The following CDIN1 variants were observed in gnomAD, a reference collection of about 807,000 sequenced individuals.
The protein encoded by CDIN1 is CDAN1-interacting nuclease 1.
In CDIN1, 33 loss-of-function variants were observed where a neutral mutation model predicts 45.3. The observed-to-expected ratio is 0.73, with a 90% confidence interval of 0.55 to 0.97. The LOEUF is 0.97. CDIN1 is among the 50% of genes least tolerant of loss of function. The probability of loss-of-function intolerance (pLI) is 0.00; values close to 1 mark genes in which losing one functional copy is unlikely to be tolerated. For missense variants in CDIN1, 303 were observed against 339.4 expected (o/e 0.89, Z 0.84); for synonymous variants, 118 against 124.4 (o/e 0.95, Z 0.34).
At chr15:36,636,212 A>G (rs1017739576) in intron 1 of CDIN1, among the ~76,000 whole-genome samples, 1 of 152,208 alleles carries the variant, frequency 6.6e-6, no homozygotes, top group Non-Finnish European at 1.5e-5. Context: ...CCACAATTTG[A>G]CTGTTACCTG....
At chr15:36,752,991 AAG>A (rs1051256280) in intron 10 of CDIN1, among the ~76,000 whole-genome samples, 1 of 152,140 alleles carries the variant, frequency 6.6e-6, no homozygotes, top group African/African-American at 2.4e-5. Context: ...AGTGTTTTGG[AAG>A]AGAGACGTAT....
chr15:36,613,711 G>A (rs911579189), intron 1 of CDIN1: 20 of 1,536,390 alleles, frequency 1.3e-5, no homozygotes, highest in South Asian at 8.9e-5. Context: ...TAGAAGAAGC[G>A]GAAAAAGCTG....
intron 1 of CDIN1, among the ~76,000 whole-genome samples, chr15:36,631,040 A>G (rs1437786505): frequency 6.6e-6 from 1 of 152,228 alleles, no homozygotes; most frequent in Non-Finnish European, 1.5e-5. Flanking sequence ...AAACCAAACT[A>G]TAGCGGATGC....
At chr15:36,687,123 ATT>A (rs2042088057) in intron 5 of CDIN1, among the ~76,000 whole-genome samples, 1 of 152,144 alleles carries the variant, frequency 6.6e-6, no homozygotes, top group Admixed American at 6.5e-5. Flanking sequence ...AGAAAACTTA[ATT>A]AACTAGAAGG....
chr15:36,791,780 A>G (rs1280515904), intron 10 of CDIN1, among the ~76,000 whole-genome samples: 1 of 152,136 alleles, frequency 6.6e-6, no homozygotes, highest in Admixed American at 6.5e-5. Flanking sequence ...GGTCCTTTCT[A>G]TAATGGAGTT....
intron 5 of CDIN1, among the ~76,000 whole-genome samples, chr15:36,685,233 C>A (rs1240342864): frequency 6.6e-6 from 1 of 151,522 alleles, no homozygotes; most frequent in Non-Finnish European, 1.5e-5. Flanking sequence ...GTAAATTTCC[C>A]TCTACACACT....
At chr15:36,629,811 G>A (rs1249861048) in intron 1 of CDIN1, among the ~76,000 whole-genome samples, 1 of 152,020 alleles carries the variant, frequency 6.6e-6, no homozygotes, top group East Asian at 1.9e-4. Context: ...TAACCTTCTT[G>A]TCTATTTTCT....
intron 8 of CDIN1, 84 bp from the exon 9 acceptor site, chr15:36,709,139 C>A (rs1005754190): frequency 3.5e-6 from 4 of 1,141,648 alleles, no homozygotes; most frequent in Admixed American, 5.5e-5. Flanking sequence ...AATTTTTATA[C>A]ATATTTAAGA....
At chr15:36,760,539 G>A (rs1040865745) in intron 10 of CDIN1, among the ~76,000 whole-genome samples, 1 of 152,132 alleles carries the variant, frequency 6.6e-6, no homozygotes, top group Non-Finnish European at 1.5e-5. Context: ...CATCTCTAAA[G>A]TTATTTTAGA....
At chr15:36,786,512 C>G (rs1039197331) in intron 10 of CDIN1, among the ~76,000 whole-genome samples, 46 of 152,080 alleles carry the variant, frequency 3.0e-4, no homozygotes, top group Non-Finnish European at 1.5e-4. Flanking sequence ...CTTTTTAATC[C>G]TGTGTCCTTC....
intron 10 of CDIN1, among the ~76,000 whole-genome samples, chr15:36,745,423 C>A (rs1358574594): frequency 6.6e-6 from 1 of 152,028 alleles, no homozygotes; most frequent in Non-Finnish European, 1.5e-5. Context: ...TAATTCTGGT[C>A]TCATTATTAT....
chr15:36,627,304 A>C (rs1021700656), intron 1 of CDIN1: 1 of 162,542 alleles, frequency 6.2e-6, no homozygotes, highest in Non-Finnish European at 1.4e-5. Flanking sequence ...AGGAACTTGG[A>C]GCTGGAGAAC....
intron 1 of CDIN1, among the ~76,000 whole-genome samples, chr15:36,587,717 A>T (rs1167146897): frequency 1.3e-5 from 2 of 151,952 alleles, no homozygotes; most frequent in East Asian, 3.9e-4. Flanking sequence ...GCCTCCTATC[A>T]CAGTTTCTTC....
At chr15:36,590,850 T>C (rs927678469) in intron 1 of CDIN1, among the ~76,000 whole-genome samples, 1 of 152,220 alleles carries the variant, frequency 6.6e-6, no homozygotes, top group African/African-American at 2.4e-5. Flanking sequence ...GGGAAAGGTC[T>C]ACTAAGCTTT....
intron 8 of CDIN1, chr15:36,701,982 A>T: frequency 1.4e-6 from 1 of 699,468 alleles, no homozygotes; most frequent in East Asian, 2.7e-5. Context: ...TGGGGAGGTG[A>T]TTATGATGTG....
At chr15:36,757,166 G>A (rs966993512) in intron 10 of CDIN1, among the ~76,000 whole-genome samples, 3 of 152,092 alleles carry the variant, frequency 2.0e-5, no homozygotes, top group South Asian at 4.1e-4. Context: ...CATACTTCAC[G>A]TCTACCAACC....
chr15:36,717,181 A>G (rs185407561), intron 10 of CDIN1, among the ~76,000 whole-genome samples: 1 of 152,312 alleles, frequency 6.6e-6, no homozygotes, highest in East Asian at 1.9e-4. Context: ...TTATTGCGGT[A>G]TAACTGACAC....
chr15:36,770,427 C>CTGA (rs375075866), intron 10 of CDIN1, among the ~76,000 whole-genome samples: 3,709 of 151,064 alleles, frequency 0.025, 155 homozygotes, highest in African/African-American at 0.086. Context: ...CAATCTCTTT[C>CTGA]TGATGATGAT....
chr15:36,674,999 A>G (rs944417953), intron 5 of CDIN1, among the ~76,000 whole-genome samples: 1 of 152,066 alleles, frequency 6.6e-6, no homozygotes, highest in Non-Finnish European at 1.5e-5. Context: ...TGCTGACAGT[A>G]CTTTGTTCTC....
Sources: allele counts gnomAD v4.1 joint callset (sites outside exome capture counted in the v4.1 genomes callset), GRCh38; gene constraint gnomAD v4.1.1; transcripts MANE v1.5; gene names NCBI Gene and HGNC (gene_info 2026-07-23, HGNC 2026-07-21).